Variants in C2orf42 observed in about 807,000 individuals in gnomAD.
C2orf42 encodes the protein chromosome 2 open reading frame 42.
In C2orf42, 44 loss-of-function variants were observed where a neutral mutation model predicts 58.9. The observed-to-expected ratio is 0.75, with a 90% CI of 0.59 to 0.96. The LOEUF is 0.96. Among genes scored for constraint, C2orf42 ranks in the 40% least tolerant of loss-of-function variants. The probability of loss-of-function intolerance (pLI) is 0.00; values close to 1 mark genes in which losing one functional copy is unlikely to be tolerated. For missense variants in C2orf42, 630 were observed against 699.2 expected, an observed-to-expected ratio of 0.90 and a Z score of 1.12; for synonymous variants, 239 against 265.4, an observed-to-expected ratio of 0.90 and a Z score of 0.97.
intron 7 of C2orf42, 128 bp downstream of exon 7, chr2:70,165,400 G>A (rs1334029283): frequency 6.1e-6 from 4 of 652,818 alleles, no homozygotes; most frequent in Non-Finnish European, 1.1e-5. Context: ...TGAAGGCTTT[G>A]TGCTCCAGAC....
chr2:70,167,346 A>G (rs1407724168), intron 6 of C2orf42, among the ~76,000 whole-genome samples: 3 of 151,072 alleles, frequency 2.0e-5, no homozygotes, highest in African/African-American at 7.3e-5. Context: ...CGACAGAGTG[A>G]GACTCTGTCT....
chr2:70,172,650 G>A (rs947065296), intron 5 of C2orf42, among the ~76,000 whole-genome samples: 13 of 152,170 alleles, frequency 8.5e-5, no homozygotes, highest in African/African-American at 3.1e-4. Flanking sequence ...TCCAGCCTGA[G>A]TGACAGAGCA....
Position 70,179,918 on chromosome 2 carries a change from G to A in C2orf42, c.824-276C>T, listed in dbSNP as rs531849806. On this transcript the variant is annotated intron_variant, in intron 3 of 9. Transcript: ENST00000264434. ...TATGTCACTGCATGCCAGCCTGGGCGACAGAGGCAGACGCTGTCTCAAAAA... is the reference window on the plus strand; with the variant it reads ...TATGTCACTGCATGCCAGCCTGGGCAACAGAGGCAGACGCTGTCTCAAAAA... Among the ~76,000 whole-genome samples the A allele has an allele frequency of 3.9e-5, 6 of 152,094 alleles. No individual in the cohort carries two copies. The South Asian group carries it at 6.2e-4, about 16-fold the overall frequency.
chr2:70,171,884 G>A (rs376998466), intron 5 of C2orf42, among the ~76,000 whole-genome samples: 2 of 151,602 alleles, frequency 1.3e-5, no homozygotes, highest in Non-Finnish European at 2.9e-5. Flanking sequence ...AAACAGTAAC[G>A]AGTGATGGAA....
chr2:70,156,932 G>A lies in C2orf42; in HGVS notation c.1516+3693C>T, dbSNP rs1672713590. Among the ~76,000 whole-genome samples, 2 of 151,992 alleles carry A rather than the reference G, an allele frequency of 1.3e-5. 1 individual carries two copies. The highest frequency in any genetic ancestry group is 4.1e-4 in the South Asian group (2 of 4,830). On this transcript the variant is annotated intron_variant, in intron 9 of 9. Transcript: ENST00000264434. The stretch of plus-strand genomic sequence containing the variant: ...ACAAAAGAAAGCTGGTGTCACTGTT[G>A]TAATACTGGACAAAGAATTTAGGGC...
intron 6 of C2orf42, among the ~76,000 whole-genome samples, chr2:70,166,754 C>T (rs765281438): frequency 1.9e-4 from 29 of 151,994 alleles, no homozygotes; most frequent in Non-Finnish European, 3.8e-4. Flanking sequence ...ATTTCAAATC[C>T]GCAAATTTTA....
intron 9 of C2orf42, among the ~76,000 whole-genome samples, chr2:70,156,072 T>C (rs1341301680): frequency 6.8e-6 from 1 of 148,108 alleles, no homozygotes; most frequent in African/African-American, 2.5e-5. Flanking sequence ...GAACAATCTC[T>C]TGAACCCGGG....
chr2:70,182,910 C>T lies in C2orf42; in HGVS notation c.-256G>A, dbSNP rs1006104981. Reference sequence around the variant, plus strand: ...CAATGTTCCGCAAATAAGATTCCCACTTCCCTAAGTGGAGATCTTGATAGT... The same window carrying T: ...CAATGTTCCGCAAATAAGATTCCCATTTCCCTAAGTGGAGATCTTGATAGT... On this transcript the variant is annotated 5_prime_UTR_variant, in exon 2 of 10. It adds an upstream start codon to the 5' untranslated region. Coordinates refer to ENST00000264434, the MANE Select transcript of C2orf42 (RefSeq NM_017880.3). 6.6e-6 allele frequency: 1 copy of T among 152,176 alleles called. No individual in the cohort carries two copies. The highest frequency in any genetic ancestry group is 2.4e-5 in the African/African-American group (1 of 41,444). 9.4% of individuals were successfully genotyped at this position (152,176 alleles called of 1,614,324 possible).
At chr2:70,171,158 C>T (rs752749398) in intron 5 of C2orf42, among the ~76,000 whole-genome samples, 1 of 151,690 alleles carries the variant, frequency 6.6e-6, no homozygotes, top group Non-Finnish European at 1.5e-5. Flanking sequence ...TGACTGTGGT[C>T]CCAACTACTC....
chr2:70,161,539 CT>C, intron 8 of C2orf42, among the ~76,000 whole-genome samples: 1 of 151,882 alleles, frequency 6.6e-6, no homozygotes, highest in South Asian at 2.1e-4. Context: ...CATGTATTTA[CT>C]TTTTTTAAGA....
chr2:70,189,379 C>G lies in C2orf42; in HGVS notation c.-282+1594G>C, dbSNP rs1321079086. Among the ~76,000 whole-genome samples the G allele has an allele frequency of 2.1e-3, 238 of 110,752 alleles. 3 individuals carry two copies. Among genetic ancestry groups the G allele is most frequent in the Middle Eastern group, 8.6e-3 (1 of 116 alleles). The allele number at this position is 110,752 out of a possible 152,430, so 72.7% of individuals were successfully genotyped here. A position where few individuals can be genotyped will look rare whatever the true frequency, so the allele number is the denominator to read the frequency against. On this transcript the variant is annotated intron_variant, in intron 1 of 9. Transcript: ENST00000264434. ...CAAGATCGTGCCATTGCACTCCAGC[C>G]TGGGGAACAAGAGAGAAACTCCATC...
chr2:70,175,648 C>G (rs1160705644), intron 5 of C2orf42, 25 bp downstream of exon 5: 5 of 1,343,750 alleles, frequency 3.7e-6, no homozygotes, highest in Non-Finnish European at 5.4e-6. Flanking sequence ...ACCACTGTAG[C>G]CTATTCTAGG....
In C2orf42 at chr2:70,169,593, C is replaced by A. The variant is rs373611623; in HGVS notation, c.1108G>T (p.Glu370Ter). Residue 370 changes from glutamate (E) to a stop codon, truncating the protein, a stop_gained, in exon 6 of 10, where the codon GAA (glutamate) becomes TAA (stop). Coordinates refer to ENST00000264434, the MANE Select transcript of C2orf42 (RefSeq NM_017880.3). LOFTEE classifies it high-confidence loss of function. ...SFQDWLASVT[E>*]RIHQTMHYQF... ...TAGTGCATGGTTTGATGGATGCGTT[C>A]TGTGACACTGGCCAGCCAGTCTTGG... The A allele has an allele frequency of 8.1e-6, 13 of 1,607,856 alleles. No homozygotes were observed. Among genetic ancestry groups the A allele is most frequent in the Non-Finnish European group, 1.1e-5 (13 of 1,174,492 alleles).
intron 1 of C2orf42, among the ~76,000 whole-genome samples, chr2:70,185,508 C>T (rs1481842668): frequency 6.6e-6 from 1 of 151,890 alleles, no homozygotes; most frequent in African/African-American, 2.4e-5. Context: ...GCCAGGAGTT[C>T]GAGACCAGCC....
In C2orf42 at chr2:70,181,273, T is replaced by G; in HGVS notation, c.713A>C (p.Lys238Thr). 6.2e-7 allele frequency: 1 copy of G among 1,613,722 alleles called. No individual in the cohort carries two copies. ...TLKSHKSNASKDETAQRCIHF... is the reference protein window; with the variant it reads ...TLKSHKSNASTDETAQRCIHF... Reference sequence around the variant, plus strand: ...AATGCATCTCTGGGCTGTCTCATCCTTGGAGGCATTTGACTTGTGCGATTT... The same window carrying G: ...AATGCATCTCTGGGCTGTCTCATCCGTGGAGGCATTTGACTTGTGCGATTT... The change falls in exon 3 of 10, where the codon AAG becomes ACG. Residue 238 changes from lysine (K) to threonine (T), a missense_variant. Transcript: ENST00000264434.
chr2:70,187,763 T>C (rs550529450), intron 1 of C2orf42, among the ~76,000 whole-genome samples: 2 of 152,094 alleles, frequency 1.3e-5, no homozygotes, highest in African/African-American at 4.8e-5. Context: ...TGATCTCACC[T>C]CACTGCAACC....
chr2:70,177,301 G>A (rs1433399707), intron 4 of C2orf42, among the ~76,000 whole-genome samples: 6 of 151,264 alleles, frequency 4.0e-5, no homozygotes, highest in Admixed American at 6.6e-5. Context: ...ATAGCCAAGC[G>A]TGGTGGCAGG....
Position 70,165,535 on chromosome 2 carries a change from G to A in C2orf42, c.1245C>T (p.Ser415=). 1 of 1,559,908 alleles carries A rather than the reference G, an allele frequency of 6.4e-7. No individual in the cohort carries two copies. Among genetic ancestry groups the A allele is most frequent in the Non-Finnish European group, 8.8e-7 (1 of 1,130,636 alleles). ...IGSAKKRLPN[S]TTAFVRKDAL... is the part of the protein sequence containing the mutation. Reference sequence around the variant, plus strand: ...CAAAGGGAAATCCTGTACCTGTGGTGGAGTTGGGGAGCCGTTTTTTTGCAC... The same window carrying A: ...CAAAGGGAAATCCTGTACCTGTGGTAGAGTTGGGGAGCCGTTTTTTTGCAC... Residue 415 remains serine, a synonymous_variant, in exon 7 of 10, where the codon TCC becomes TCT. Coordinates refer to ENST00000264434, the MANE Select transcript of C2orf42 (RefSeq NM_017880.3).
chr2:70,169,920 G>A (rs1187669776), intron 5 of C2orf42, among the ~76,000 whole-genome samples: 5 of 151,362 alleles, frequency 3.3e-5, no homozygotes, highest in Admixed American at 6.6e-5. Context: ...CACCACACCC[G>A]GCTAATTGTT....
Sources: gnomAD v4.1 joint callset for allele counts (sites outside exome capture counted in the v4.1 genomes callset) on GRCh38, gnomAD v4.1.1 for gene constraint, MANE v1.5 for transcripts, NCBI Gene and HGNC (gene_info 2026-07-23, HGNC 2026-07-21) for gene names.